CAPZA1: variants seen among roughly 807,000 people sequenced by gnomAD.
The protein encoded by CAPZA1 is F-actin-capping protein subunit alpha-1.
In CAPZA1, 10 loss-of-function variants were observed where a neutral mutation model predicts 40.8. The ratio of observed to expected loss-of-function variants is 0.25; its 90% CI spans 0.15 to 0.42. The LOEUF is 0.42. Ranked by LOEUF, CAPZA1 falls within the 10% of genes least tolerant of loss-of-function variation. The pLI, the probability that CAPZA1 is intolerant of heterozygous loss-of-function variation, is 1.00. For missense variants in CAPZA1, 277 were observed against 353.8 expected (o/e 0.78, Z 1.74); for synonymous variants, 98 against 115.0 (o/e 0.85, Z 0.95).
Position 112,639,772 on chromosome 1 carries a change from G to A in CAPZA1, c.40-7438G>A, listed in dbSNP as rs554445824. ...ATTAAAAAAATTGGCCAGCCGCCCC[G>A]TCCGGGAGGTGAGGGGCGCCTCTGC... On this transcript the variant is annotated intron_variant, in intron 1 of 9. Coordinates refer to ENST00000263168, the MANE Select transcript of CAPZA1 (RefSeq NM_006135.3). Among the ~76,000 whole-genome samples, 65 of 148,076 alleles carry A rather than the reference G, an allele frequency of 4.4e-4. No individual in the cohort carries two copies. The East Asian group carries it at 9.5e-3, about 22-fold the overall frequency.
chr1:112,627,037 C>A (rs1486711882), intron 1 of CAPZA1, among the ~76,000 whole-genome samples: 1 of 152,202 alleles, frequency 6.6e-6, no homozygotes, highest in Admixed American at 6.5e-5. Context: ...ATTTATCTCA[C>A]AACATCCTTA....
chr1:112,634,125 C>A lies in CAPZA1; in HGVS notation c.40-13085C>A, dbSNP rs115360835. On this transcript the variant is annotated intron_variant, in intron 1 of 9. Coordinates refer to ENST00000263168, the MANE Select transcript of CAPZA1 (RefSeq NM_006135.3). ...GAAATATCTTCAAATGGGAAAAACT[C>A]CCTTAGGAAATAGCATTGAATTCTG... Among the ~76,000 whole-genome samples the A allele has an allele frequency of 9.1e-4, 139 of 152,178 alleles. 1 individual carries two copies. Among genetic ancestry groups the A allele is most frequent in the African/African-American group, 3.2e-3 (134 of 41,526 alleles).
chr1:112,624,011 AAAAAAAAAAG>A (rs1256143640), intron 1 of CAPZA1, among the ~76,000 whole-genome samples: 6 of 147,622 alleles, frequency 4.1e-5, no homozygotes, highest in Middle Eastern at 3.4e-3. Flanking sequence ...ATCTCAAAAA[AAAAAAAAAAG>A]AAAAAAGAAA....
At chr1:112,636,022 C>G (rs1671009663) in intron 1 of CAPZA1, among the ~76,000 whole-genome samples, 1 of 152,052 alleles carries the variant, frequency 6.6e-6, no homozygotes, top group Non-Finnish European at 1.5e-5. Flanking sequence ...GAGCGAGACT[C>G]TTTCTAGAAA....
chr1:112,620,738 T>C (rs1262282088), intron 1 of CAPZA1: 1 of 152,206 alleles, frequency 6.6e-6, no homozygotes, highest in African/African-American at 2.4e-5. Context: ...CAGTGTGCAT[T>C]TTGTATGCTC....
intron 7 of CAPZA1, among the ~76,000 whole-genome samples, chr1:112,664,413 C>T (rs2101189058): frequency 6.6e-6 from 1 of 152,204 alleles, no homozygotes; most frequent in South Asian, 2.1e-4. Context: ...CACTATTTCT[C>T]CCCAGATCAA....
chr1:112,622,051 G>A (rs1670687827), intron 1 of CAPZA1, among the ~76,000 whole-genome samples: 2 of 151,972 alleles, frequency 1.3e-5, no homozygotes, highest in South Asian at 2.1e-4. Context: ...GTGAGCCACC[G>A]AGCCCAGCCA....
Position 112,634,239 on chromosome 1 carries a change from T to C in CAPZA1, c.40-12971T>C, listed in dbSNP as rs778131098. 2.5e-3 allele frequency among the ~76,000 whole-genome samples: 377 copies of C among 152,314 alleles called. 2 individuals carry two copies. Among genetic ancestry groups the C allele is most frequent in the Non-Finnish European group, 1.4e-3 (95 of 68,016 alleles). Reference sequence around the variant, plus strand: ...TGCAACTATTTATTCTTGAATACTTTTGGAATGGGTTAGAGTGAAAATAAG... The same window carrying C: ...TGCAACTATTTATTCTTGAATACTTCTGGAATGGGTTAGAGTGAAAATAAG... On this transcript the variant is annotated intron_variant, in intron 1 of 9. Coordinates refer to ENST00000263168, the MANE Select transcript of CAPZA1 (RefSeq NM_006135.3).
chr1:112,667,294 A>G (rs1189344768), intron 8 of CAPZA1, 149 bp downstream of exon 8: 1 of 599,294 alleles, frequency 1.7e-6, no homozygotes, highest in African/African-American at 1.9e-5. Context: ...GCCTCTTATC[A>G]CCAACCAGCA....
At position 112,659,074 on chromosome 1, in the gene CAPZA1, G is replaced by A. The variant is rs774595205; in HGVS notation, c.479G>A (p.Ser160Asn). The change falls in exon 6 of 10, where the codon AGC becomes AAC. Residue 160 changes from serine (S) to asparagine (N), a missense_variant. Coordinates refer to ENST00000263168, the MANE Select transcript of CAPZA1 (RefSeq NM_006135.3). ...GQQTIIACIE[S>N]HQFQPKNFWN... ...CAGACTATTATTGCATGTATTGAAA[G>A]CCACCAGTTTCAGCCTAAAAACTTC... 1.2e-6 allele frequency: 2 copies of A among 1,613,228 alleles called. No individual in the cohort carries two copies. The highest frequency in any genetic ancestry group is 1.7e-6 in the Non-Finnish European group (2 of 1,179,416).
chr1:112,662,054 A>G (rs912152827), intron 7 of CAPZA1, among the ~76,000 whole-genome samples: 1 of 152,236 alleles, frequency 6.6e-6, no homozygotes, highest in African/African-American at 2.4e-5. Context: ...TAATTGAACC[A>G]TTTTCATATT....
chr1:112,643,014 T>TA (rs2101157617), intron 1 of CAPZA1, among the ~76,000 whole-genome samples: 1 of 152,284 alleles, frequency 6.6e-6, no homozygotes, highest in Admixed American at 6.5e-5. Flanking sequence ...GTTTTATAAT[T>TA]ATGTAAAGAT....
At chr1:112,647,104 C>A in intron 1 of CAPZA1, 106 bp from the exon 2 acceptor site, 1 of 542,200 alleles carries the variant, frequency 1.8e-6, no homozygotes, top group Non-Finnish European at 3.1e-6. Flanking sequence ...TTAAACAGAA[C>A]ATTTTTTTCA....
chr1:112,655,147 A>G (rs1671471507), intron 5 of CAPZA1, among the ~76,000 whole-genome samples: 2 of 152,168 alleles, frequency 1.3e-5, no homozygotes, highest in African/African-American at 4.8e-5. Context: ...CTACTTCTAC[A>G]TAGTTTAGAT....
chr1:112,631,161 TCTTTGACA>T (rs1248178610), intron 1 of CAPZA1, among the ~76,000 whole-genome samples: 1 of 152,260 alleles, frequency 6.6e-6, no homozygotes, highest in Non-Finnish European at 1.5e-5. Context: ...TTGGCTTACC[TCTTTGACA>T]ATCCTACTCT....
intron 1 of CAPZA1, chr1:112,620,736 A>C (rs770512557): frequency 6.6e-6 from 1 of 152,180 alleles, no homozygotes; most frequent in Non-Finnish European, 1.5e-5. Context: ...GTCAGTGTGC[A>C]TTTTGTATGC....
chr1:112,635,637 C>T (rs1486674688), intron 1 of CAPZA1, among the ~76,000 whole-genome samples: 1 of 151,942 alleles, frequency 6.6e-6, no homozygotes, highest in Non-Finnish European at 1.5e-5. Flanking sequence ...GGGTTTCCCC[C>T]TGTTAGCCAG....
intron 1 of CAPZA1, among the ~76,000 whole-genome samples, chr1:112,638,077 AT>A (rs1671057227): frequency 6.6e-6 from 1 of 152,188 alleles, no homozygotes; most frequent in Non-Finnish European, 1.5e-5. Flanking sequence ...AAGGGCTAGA[AT>A]TGTGAAGGTT....
At chr1:112,658,670 A>C (rs1671542655) in intron 5 of CAPZA1, among the ~76,000 whole-genome samples, 1 of 152,110 alleles carries the variant, frequency 6.6e-6, no homozygotes, top group East Asian at 1.9e-4. Flanking sequence ...CACACCCTTT[A>C]AACCTGACAG....
Sources: gnomAD v4.1 joint callset for allele counts (sites outside exome capture counted in the v4.1 genomes callset) on GRCh38, gnomAD v4.1.1 for gene constraint, MANE v1.5 for transcripts, NCBI Gene and HGNC (gene_info 2026-07-23, HGNC 2026-07-21) for gene names.